Variants in SMYD3 observed in about 807,000 individuals in gnomAD.
SMYD3 encodes SET and MYND domain containing 3.
A neutral mutation model predicts 57.7 loss-of-function variants in SMYD3; 36 were observed. The ratio of observed to expected loss-of-function variants is 0.62; its 90% CI spans 0.48 to 0.82. The LOEUF (loss-of-function observed/expected upper bound fraction) is 0.82. SMYD3 is among the 40% of genes least tolerant of loss of function. The probability of loss-of-function intolerance (pLI) is 0.00; values close to 1 mark genes in which losing one functional copy is unlikely to be tolerated. For synonymous variants in SMYD3, 211 were observed against 195.0 expected (o/e 1.08, Z -0.68); for missense variants, 515 against 538.8 (o/e 0.96, Z 0.44).
chr1:246,393,787 T>C (rs2066610916), intron 1 of SMYD3, among the ~76,000 whole-genome samples: 1 of 151,616 alleles, frequency 6.6e-6, no homozygotes, highest in Non-Finnish European at 1.5e-5. Context: ...CCCTGGGAAG[T>C]GAGGCTGCCG....
intron 10 of SMYD3, among the ~76,000 whole-genome samples, chr1:245,764,914 A>C (rs906366663): frequency 6.6e-6 from 1 of 152,038 alleles, no homozygotes; most frequent in African/African-American, 2.4e-5. Flanking sequence ...CAATTCAACA[A>C]GAATTTACCA....
In SMYD3 at chr1:246,103,386, A is replaced by T. The variant is rs190786036; in HGVS notation, c.532-173449T>A. On this transcript the variant is annotated intron_variant, in intron 5 of 11. Coordinates refer to ENST00000490107, the MANE Select transcript of SMYD3 (RefSeq NM_001167740.2). ...CCTCTTGGATGCAAAAATTATCTGT[A>T]TCTTCATCCACAGGAAAACATGTCC... is the stretch of plus-strand genomic sequence containing the variant. 1.2e-3 allele frequency among the ~76,000 whole-genome samples: 185 copies of T among 152,104 alleles called. 1 individual carries two copies. Among genetic ancestry groups the T allele is most frequent in the African/African-American group, 4.3e-3 (179 of 41,496 alleles).
intron 8 of SMYD3, among the ~76,000 whole-genome samples, chr1:245,909,410 T>C (rs1229860444): frequency 2.6e-5 from 4 of 152,172 alleles, no homozygotes; most frequent in Non-Finnish European, 4.4e-5. Context: ...ACTCCCACTA[T>C]TCCAGAAAAA....
At chr1:246,334,954 C>T (rs760336834) in intron 3 of SMYD3, among the ~76,000 whole-genome samples, 13 of 152,212 alleles carry the variant, frequency 8.5e-5, no homozygotes, top group African/African-American at 2.6e-4. Flanking sequence ...GCAATCAATG[C>T]GGCAAATTCG....
intron 5 of SMYD3, among the ~76,000 whole-genome samples, chr1:246,091,483 A>T (rs180698924): frequency 1.5e-3 from 189 of 124,918 alleles, no homozygotes; most frequent in Middle Eastern, 4.2e-3. Context: ...TGCCTATTAA[A>T]CCTCAGCACA....
intron 11 of SMYD3, among the ~76,000 whole-genome samples, chr1:245,751,848 G>A (rs1223668036): frequency 2.6e-5 from 4 of 152,234 alleles, no homozygotes; most frequent in African/African-American, 9.6e-5. Context: ...GCATCTGCCA[G>A]CAAATCCCTA....
chr1:245,946,035 G>A (rs542569991), intron 5 of SMYD3, among the ~76,000 whole-genome samples: 2 of 152,244 alleles, frequency 1.3e-5, no homozygotes, highest in Middle Eastern at 3.4e-3. Flanking sequence ...CTAGGTGATG[G>A]GGTGATAGCT....
At chr1:245,985,345 A>G (rs1445543847) in intron 5 of SMYD3, among the ~76,000 whole-genome samples, 1 of 152,176 alleles carries the variant, frequency 6.6e-6, no homozygotes, top group Non-Finnish European at 1.5e-5. Context: ...AATGATCATC[A>G]ATTAGACAAT....
In SMYD3 at chr1:245,879,914, G is replaced by A. The variant is rs112702303; in HGVS notation, c.814-16028C>T. Among the ~76,000 whole-genome samples the A allele has an allele frequency of 3.2e-3, 479 of 152,048 alleles. 5 individuals carry two copies. Among genetic ancestry groups the A allele is most frequent in the African/African-American group, 0.011 (456 of 41,386 alleles). On this transcript the variant is annotated intron_variant, in intron 8 of 11. Coordinates refer to ENST00000490107, the MANE Select transcript of SMYD3 (RefSeq NM_001167740.2). ...TGTACCCTAGAGACAGCACAGGTGC[G>A]TTGCTGTACACACCAGAGATAGCAC... is the stretch of plus-strand genomic sequence containing the variant.
In SMYD3 at chr1:246,148,085, C is replaced by T. The variant is rs184662524; in HGVS notation, c.531+179116G>A. 1.8e-4 allele frequency among the ~76,000 whole-genome samples: 27 copies of T among 152,226 alleles called. No individual in the cohort carries two copies. In the East Asian group the frequency reaches 4.9e-3, roughly 27 times the overall value. ...TCCCCGTAAGGCCCCTCCTTCAGACCAGGGAGGGCCTGAAGGCTGGGGGCC... is the reference window on the plus strand; with the variant it reads ...TCCCCGTAAGGCCCCTCCTTCAGACTAGGGAGGGCCTGAAGGCTGGGGGCC... On this transcript the variant is annotated intron_variant, in intron 5 of 11. Coordinates refer to ENST00000490107, the MANE Select transcript of SMYD3 (RefSeq NM_001167740.2).
intron 5 of SMYD3, among the ~76,000 whole-genome samples, chr1:246,092,578 G>C (rs187007665): frequency 3.9e-5 from 6 of 152,218 alleles, no homozygotes; most frequent in Admixed American, 3.9e-4. Context: ...AATGCAAGTA[G>C]ACCCCACCTC....
chr1:245,844,769 A>G (rs1300177821), intron 10 of SMYD3, among the ~76,000 whole-genome samples: 1 of 151,972 alleles, frequency 6.6e-6, no homozygotes, highest in East Asian at 1.9e-4. Flanking sequence ...CTCCAACATG[A>G]AGCCACCTGG....
At position 246,497,052 on chromosome 1, in the gene SMYD3, G is replaced by A. The variant is rs77222767; in HGVS notation, c.164+10002C>T. Among the ~76,000 whole-genome samples, 599 of 152,192 alleles carry A rather than the reference G, an allele frequency of 3.9e-3. 1 individual carries two copies. The highest frequency in any genetic ancestry group is 8.0e-3 in the Admixed American group (123 of 15,290). Reference sequence around the variant, plus strand: ...TAAAACACAAGGTTATCCCACAAGTGGCCTTTATTTTTTCTATACTAACAA... The same window carrying A: ...TAAAACACAAGGTTATCCCACAAGTAGCCTTTATTTTTTCTATACTAACAA... On this transcript the variant is annotated intron_variant, in intron 1 of 11. Transcript: ENST00000490107.
intron 5 of SMYD3, among the ~76,000 whole-genome samples, chr1:246,211,919 A>G (rs929477069): frequency 6.6e-6 from 1 of 152,112 alleles, no homozygotes; most frequent in Non-Finnish European, 1.5e-5. Context: ...GTGGTAAAAA[A>G]AAAAAAAGTC....
intron 5 of SMYD3, among the ~76,000 whole-genome samples, chr1:246,164,945 T>C (rs1198294562): frequency 6.6e-6 from 1 of 151,360 alleles, no homozygotes; most frequent in Non-Finnish European, 1.5e-5. Flanking sequence ...ACAGAGACGG[T>C]GAATGAAGCT....
At chr1:246,321,224 C>A (rs543902803) in intron 5 of SMYD3, among the ~76,000 whole-genome samples, 4 of 152,162 alleles carry the variant, frequency 2.6e-5, no homozygotes, top group Non-Finnish European at 4.4e-5. Context: ...TGGCAGACTG[C>A]GCTCTTGGCT....
intron 5 of SMYD3, among the ~76,000 whole-genome samples, chr1:246,298,951 T>C (rs1322757775): frequency 6.6e-6 from 1 of 152,000 alleles, no homozygotes; most frequent in African/African-American, 2.4e-5. Context: ...TGAAAAAGAG[T>C]AACAGTATCC....
At chr1:245,878,327 G>A (rs1262747818) in intron 8 of SMYD3, among the ~76,000 whole-genome samples, 7 of 152,166 alleles carry the variant, frequency 4.6e-5, no homozygotes, top group African/African-American at 1.7e-4. Flanking sequence ...GAAGGAGTCA[G>A]TGGACACGGA....
At chr1:246,423,570 G>A (rs976819554) in intron 1 of SMYD3, among the ~76,000 whole-genome samples, 2 of 152,004 alleles carry the variant, frequency 1.3e-5, no homozygotes, top group African/African-American at 2.4e-5. Context: ...ATGTGGAGAC[G>A]CACACCTGCA....
Sources: allele counts gnomAD v4.1 joint callset (sites outside exome capture counted in the v4.1 genomes callset), GRCh38; gene constraint gnomAD v4.1.1; transcripts MANE v1.5; gene names NCBI Gene and HGNC (gene_info 2026-07-23, HGNC 2026-07-21).